Variants in VWC2L observed in about 807,000 individuals in gnomAD.
VWC2L encodes the protein von Willebrand factor C domain-containing protein 2-like.
In VWC2L, 10 loss-of-function variants were observed where a neutral mutation model predicts 21.6. That is an observed-to-expected ratio of 0.46 (90% CI 0.29 to 0.78). The LOEUF (loss-of-function observed/expected upper bound fraction) is 0.78, where lower values mean the gene tolerates loss of function less well. Ranked by LOEUF, VWC2L falls within the 30% of genes least tolerant of loss-of-function variation. The probability of loss-of-function intolerance (pLI) is 0.10; values close to 1 mark genes in which losing one functional copy is unlikely to be tolerated. For synonymous variants in VWC2L, 96 were observed against 94.3 expected (o/e 1.02, Z -0.10); for missense variants, 209 against 277.1 (o/e 0.75, Z 1.74).
At chr2:214,548,923 T>G (rs2105924250) in intron 3 of VWC2L, among the ~76,000 whole-genome samples, 1 of 152,326 alleles carries the variant, frequency 6.6e-6, no homozygotes, top group Middle Eastern at 3.4e-3. Flanking sequence ...TACCACAAAC[T>G]TAATCACTTA....
intron 3 of VWC2L, among the ~76,000 whole-genome samples, chr2:214,525,820 C>T (rs1416536335): frequency 6.6e-6 from 1 of 152,076 alleles, no homozygotes; most frequent in Non-Finnish European, 1.5e-5. Context: ...TTAGTTAAAC[C>T]TTTGGCCCTG....
At chr2:214,462,540 C>T (rs1013751693) in intron 3 of VWC2L, among the ~76,000 whole-genome samples, 2 of 152,148 alleles carry the variant, frequency 1.3e-5, no homozygotes, top group Non-Finnish European at 2.9e-5. Flanking sequence ...CTCCTTGAAG[C>T]CCCCTCTCAT....
chr2:214,416,525 A>C lies in VWC2L; in HGVS notation c.390+1942A>C, dbSNP rs560809431. On this transcript the variant is annotated intron_variant, in intron 2 of 3. Coordinates refer to ENST00000312504, the MANE Select transcript of VWC2L (RefSeq NM_001080500.4). ...AGAGTCATAAAGAGTTTTAGAGACTATATAGGGCAAATGTGTCAGAATGAG... is the reference window on the plus strand; with the variant it reads ...AGAGTCATAAAGAGTTTTAGAGACTCTATAGGGCAAATGTGTCAGAATGAG... Among the ~76,000 whole-genome samples the C allele has an allele frequency of 7.9e-5, 12 of 152,216 alleles. No individual in the cohort carries two copies. In the East Asian group the frequency reaches 2.3e-3, roughly 29 times the overall value.
Position 214,577,380 on chromosome 2 carries a change from T to A in VWC2L, c.*1560T>A, listed in dbSNP as rs1690247536. 1 of 152,214 alleles carries A rather than the reference T, an allele frequency of 6.6e-6. No individual in the cohort carries two copies. The highest frequency in any genetic ancestry group is 1.5e-5 in the Non-Finnish European group (1 of 68,084). 9.4% of individuals were successfully genotyped at this position (152,214 alleles called of 1,614,324 possible). A position where few individuals can be genotyped will look rare whatever the true frequency, so the allele number is the denominator to read the frequency against. On this transcript the variant is annotated 3_prime_UTR_variant, in exon 4 of 4. Coordinates refer to ENST00000312504, the MANE Select transcript of VWC2L (RefSeq NM_001080500.4). The stretch of plus-strand genomic sequence containing the variant: ...CTGTCCTGTGTGCTTTTAGGATGTT[T>A]AGCACCATCACTGGCCTCTATCCAC...
At chr2:214,483,446 A>G (rs1174117508) in intron 3 of VWC2L, among the ~76,000 whole-genome samples, 3 of 152,194 alleles carry the variant, frequency 2.0e-5, no homozygotes, top group Non-Finnish European at 4.4e-5. Context: ...AAGATTTTGA[A>G]AACTGCAGTG....
At chr2:214,482,420 T>C (rs1027877451) in intron 3 of VWC2L, among the ~76,000 whole-genome samples, 22 of 149,318 alleles carry the variant, frequency 1.5e-4, no homozygotes, top group African/African-American at 5.4e-4. Context: ...ATGGAGAAAA[T>C]TTTTTCTGTC....
intron 3 of VWC2L, among the ~76,000 whole-genome samples, chr2:214,480,598 G>C (rs979488591): frequency 6.6e-6 from 1 of 152,048 alleles, no homozygotes; most frequent in Admixed American, 6.5e-5. Context: ...TGGTGTCAGG[G>C]ACCCAGGCTC....
At chr2:214,429,734 T>A (rs1702572383) in intron 2 of VWC2L, among the ~76,000 whole-genome samples, 1 of 152,132 alleles carries the variant, frequency 6.6e-6, no homozygotes, top group African/African-American at 2.4e-5. Flanking sequence ...AGTTTGTTGG[T>A]ATAGGCAGAA....
At chr2:214,455,504 A>G (rs1245293791) in intron 3 of VWC2L, among the ~76,000 whole-genome samples, 1 of 152,190 alleles carries the variant, frequency 6.6e-6, no homozygotes, top group Non-Finnish European at 1.5e-5. Context: ...AGTATTCAGG[A>G]TATTCATCGC....
chr2:214,551,078 G>C (rs1051240276), intron 3 of VWC2L, among the ~76,000 whole-genome samples: 1 of 151,992 alleles, frequency 6.6e-6, no homozygotes, highest in Non-Finnish European at 1.5e-5. Flanking sequence ...ACAGTCTCTT[G>C]GAAGGAATAA....
In VWC2L at chr2:214,531,720, G is replaced by A. The variant is rs548795662; in HGVS notation, c.521-43952G>A. Among the ~76,000 whole-genome samples, 29 of 152,174 alleles carry A rather than the reference G, an allele frequency of 1.9e-4. No homozygotes were observed. In the East Asian group the frequency reaches 3.7e-3, roughly 19 times the overall value. ...TTCTCATGTGACTGTCCAGGGGAGC[G>A]CCCACATGAAAACATGACTATCAGT... On this transcript the variant is annotated intron_variant, in intron 3 of 3. Coordinates refer to ENST00000312504, the MANE Select transcript of VWC2L (RefSeq NM_001080500.4).
intron 3 of VWC2L, among the ~76,000 whole-genome samples, chr2:214,523,101 ACTC>A (rs1689269917): frequency 1.3e-5 from 2 of 152,074 alleles, no homozygotes; most frequent in Admixed American, 6.6e-5. Context: ...TTTAGTAATA[ACTC>A]CTCTTTGTTT....
intron 3 of VWC2L, among the ~76,000 whole-genome samples, chr2:214,440,375 T>C (rs184127690): frequency 6.6e-6 from 1 of 152,198 alleles, no homozygotes; most frequent in East Asian, 1.9e-4. Context: ...ACAAATGCCT[T>C]CCTGAAAAAT....
intron 3 of VWC2L, among the ~76,000 whole-genome samples, chr2:214,447,104 T>A (rs1040114198): frequency 1.5e-4 from 23 of 152,250 alleles, no homozygotes; most frequent in African/African-American, 5.3e-4. Context: ...GAAACTGGGA[T>A]CACCTTGGGA....
chr2:214,455,171 T>C (rs1325568547), intron 3 of VWC2L, among the ~76,000 whole-genome samples: 1 of 152,196 alleles, frequency 6.6e-6, no homozygotes, highest in Non-Finnish European at 1.5e-5. Flanking sequence ...ATATGTTAAA[T>C]GTTTGATAGA....
rs537505920 is a variant in VWC2L at position 214,494,724 on chromosome 2, T to C, written c.520+57966T>C. 2.0e-5 allele frequency among the ~76,000 whole-genome samples: 3 copies of C among 152,294 alleles called. No individual in the cohort carries two copies. In the East Asian group the frequency reaches 5.8e-4, roughly 29 times the overall value. On this transcript the variant is annotated intron_variant, in intron 3 of 3. Coordinates refer to ENST00000312504, the MANE Select transcript of VWC2L (RefSeq NM_001080500.4). ...GCCTACCTCAAGACTTGAATGTACTTAAAATTCATCCTTGAAATGTTACAC... is the reference window on the plus strand; with the variant it reads ...GCCTACCTCAAGACTTGAATGTACTCAAAATTCATCCTTGAAATGTTACAC...
At chr2:214,441,601 A>G (rs1702763991) in intron 3 of VWC2L, among the ~76,000 whole-genome samples, 1 of 151,992 alleles carries the variant, frequency 6.6e-6, no homozygotes, top group Non-Finnish European at 1.5e-5. Flanking sequence ...GTATCCCTCA[A>G]AGTCAGCAGT....
rs564557844 is a variant in VWC2L at position 214,568,945 on chromosome 2, C to T, written c.521-6727C>T. Among the ~76,000 whole-genome samples the T allele has an allele frequency of 5.9e-5, 9 of 152,278 alleles. No individual in the cohort carries two copies. The East Asian group carries it at 1.7e-3, about 29-fold the overall frequency. On this transcript the variant is annotated intron_variant, in intron 3 of 3. Coordinates refer to ENST00000312504, the MANE Select transcript of VWC2L (RefSeq NM_001080500.4). ...TGTCCTCCTAGAAATTACCTCCACC[C>T]TCCAGCCCTTTTCTTCTCCCTCCCC...
At chr2:214,487,637 A>T (rs1688688729) in intron 3 of VWC2L, among the ~76,000 whole-genome samples, 1 of 152,272 alleles carries the variant, frequency 6.6e-6, no homozygotes, top group African/African-American at 2.4e-5. Context: ...GCCAAAGACA[A>T]TGGGCCTTCC....
Sources: allele counts gnomAD v4.1 joint callset (sites outside exome capture counted in the v4.1 genomes callset), GRCh38; gene constraint gnomAD v4.1.1; transcripts MANE v1.5; gene names NCBI Gene and HGNC (gene_info 2026-07-23, HGNC 2026-07-21).